NAT10: variants seen among roughly 807,000 people sequenced by gnomAD.
The protein encoded by NAT10 is N-acetyltransferase 10.
Under a neutral mutation model 132.2 loss-of-function variants are expected in NAT10, and 109 were observed. That is an observed-to-expected ratio of 0.82 (90% CI 0.71 to 0.97). NAT10 has a LOEUF of 0.97. NAT10 is among the 50% of genes least tolerant of loss of function. The pLI, the probability that NAT10 is intolerant of heterozygous loss-of-function variation, is 0.00. For missense variants in NAT10, 1,184 were observed against 1,263.4 expected, an observed-to-expected ratio of 0.94 and a Z score of 0.95; for synonymous variants, 479 against 478.0, an observed-to-expected ratio of 1.00 and a Z score of -0.03.
chr11:34,120,650 T>G (rs1395140155), intron 8 of NAT10, among the ~76,000 whole-genome samples: 1 of 152,188 alleles, frequency 6.6e-6, no homozygotes, highest in Non-Finnish European at 1.5e-5. Context: ...CTGTAGGCAC[T>G]GGGGGCCCAG....
At position 34,118,134 on chromosome 11, in the gene NAT10, T is replaced by C. The variant is rs1188485125; in HGVS notation, c.558-46T>C. The C allele has an allele frequency of 2.1e-6, 3 of 1,454,970 alleles. No individual in the cohort carries two copies. The South Asian group carries it at 3.4e-5, about 17-fold the overall frequency. 90.1% of individuals were successfully genotyped at this position (1,454,970 alleles called of 1,614,324 possible). On this transcript the variant is annotated intron_variant, in intron 6 of 28. Transcript: ENST00000257829. ...AGAAAAGTTATACTCTGTATAGACA[T>C]TGCATGCCCTCCCCAACACTTCATT... is the stretch of plus-strand genomic sequence containing the variant.
At chr11:34,122,240 A>G (rs186222963) in intron 8 of NAT10, among the ~76,000 whole-genome samples, 106 of 152,314 alleles carry the variant, frequency 7.0e-4, no homozygotes, top group African/African-American at 2.4e-3. Context: ...AATTTGAGTT[A>G]TCAGCATCTA....
At chr11:34,108,371 C>A in intron 2 of NAT10, 38 bp downstream of exon 2, 1 of 1,515,732 alleles carries the variant, frequency 6.6e-7, no homozygotes, top group Non-Finnish European at 9.2e-7. Flanking sequence ...TACTTTTTAT[C>A]TTGTCCAAAG....
intron 8 of NAT10, among the ~76,000 whole-genome samples, chr11:34,121,299 G>A (rs1296993358): frequency 6.6e-6 from 1 of 152,164 alleles, no homozygotes; most frequent in Non-Finnish European, 1.5e-5. Context: ...GAAGGATAGG[G>A]TGGTGGCTTT....
Position 34,146,219 on chromosome 11 carries a change from T to C in NAT10, c.*27T>C, listed in dbSNP as rs370036200. ...GAAGAGAAACTCGGGCATCTGTGTT[T>C]GATCATGGGAAGATACTCTCACTAA... On this transcript the variant is annotated 3_prime_UTR_variant, in exon 29 of 29. Transcript: ENST00000257829. 3 of 1,509,986 alleles carry C rather than the reference T, an allele frequency of 2.0e-6. No homozygotes were observed. Among genetic ancestry groups the C allele is most frequent in the African/African-American group, 2.8e-5 (2 of 72,160 alleles). The allele number at this position is 1,509,986 out of a possible 1,614,324, so 93.5% of individuals were successfully genotyped here. A position where few individuals can be genotyped will look rare whatever the true frequency, so the allele number is the denominator to read the frequency against.
In NAT10 at chr11:34,130,911, C is replaced by A. The variant is rs751472924; in HGVS notation, c.1343C>A (p.Thr448Asn). ...SQVSTTAENK[T>N]TTTARLASAR... ...GTCAGCACCACTGCTGAGAATAAGACCACGACGACAGCCAGATTGGCATCA... is the reference window on the plus strand; with the variant it reads ...GTCAGCACCACTGCTGAGAATAAGAACACGACGACAGCCAGATTGGCATCA... The change falls in exon 13 of 29, where the codon ACC becomes AAC. Residue 448 changes from threonine (T) to asparagine (N), a missense_variant. Transcript: ENST00000257829. 1.2e-5 allele frequency: 19 copies of A among 1,614,030 alleles called. No individual in the cohort carries two copies. In the Admixed American group the frequency reaches 3.2e-4, roughly 27 times the overall value.
intron 6 of NAT10, among the ~76,000 whole-genome samples, chr11:34,116,516 C>T (rs1369981355): frequency 1.3e-5 from 2 of 151,470 alleles, no homozygotes; most frequent in Non-Finnish European, 2.9e-5. Context: ...CCTCCCAGGT[C>T]GAGTGATTCT....
In NAT10 at chr11:34,125,099, C is replaced by A. The variant is rs75595521; in HGVS notation, c.1107+699C>A. 9.1e-4 allele frequency among the ~76,000 whole-genome samples: 138 copies of A among 152,340 alleles called. 2 individuals are homozygous for A. The East Asian group carries it at 0.021, about 23-fold the overall frequency. On this transcript the variant is annotated intron_variant, in intron 11 of 28. Coordinates refer to ENST00000257829, the MANE Select transcript of NAT10 (RefSeq NM_024662.3). ...ATGCCTGTCAAAGCATATGTATATG[C>A]ATGTCAAGAAGTTATACCTTTTTAT...
chr11:34,112,193 G>A lies in NAT10; in HGVS notation c.342G>A (p.Leu114=). 6.2e-7 allele frequency: 1 copy of A among 1,614,220 alleles called. No homozygotes were observed. The highest frequency in any genetic ancestry group is 8.5e-7 in the Non-Finnish European group (1 of 1,180,042). Residue 114 remains leucine, a synonymous_variant, in exon 4 of 29, where the codon CTG becomes CTA. Coordinates refer to ENST00000257829, the MANE Select transcript of NAT10 (RefSeq NM_024662.3). ...YCYYNETHKI[L]GNTFGMCVLQ... ...ACTACAACGAGACCCACAAGATCCT[G>A]GGCAATACCTTCGGCATGTGTGTGC... is the stretch of plus-strand genomic sequence containing the variant.
At position 34,131,424 on chromosome 11, in the gene NAT10, C is replaced by A; in HGVS notation, c.1413C>A (p.Tyr471Ter). 1 of 1,614,126 alleles carries A rather than the reference C, an allele frequency of 6.2e-7. No homozygotes were observed. Among genetic ancestry groups the A allele is most frequent in the Non-Finnish European group, 8.5e-7 (1 of 1,180,016 alleles). ...TTTCCCTCCAGGAGTCAATCCGATA[C>A]GCCCCTGGGGATGCAGTGGAGAAGT... ...YEVSLQESIR[Y>*]APGDAVEKWL... Residue 471 changes from tyrosine to a stop codon, truncating the protein, a stop_gained, in exon 14 of 29, where the codon TAC (tyrosine) becomes TAA (stop). Coordinates refer to ENST00000257829, the MANE Select transcript of NAT10 (RefSeq NM_024662.3). LOFTEE classifies it high-confidence loss of function.
rs139615908 is a variant in NAT10, at chr11:34,134,568, T to G, written c.1893T>G (p.Val631=). The G allele has an allele frequency of 1.9e-6, 3 of 1,614,030 alleles. No individual in the cohort carries two copies. In the African/African-American group the frequency reaches 4.0e-5, roughly 22 times the overall value. ...LSGGRVVRIA[V]HPDYQGMGYG... ...GTGGAAGGGTCGTTCGCATTGCTGT[T>G]CACCCAGATTATCAAGGGGTAATGT... is the stretch of plus-strand genomic sequence containing the variant. The change falls in exon 18 of 29, where the codon GTT becomes GTG. Residue 631 remains valine (V), a synonymous_variant. Transcript: ENST00000257829.
At chr11:34,126,912 G>T (rs1251091616) in intron 11 of NAT10, among the ~76,000 whole-genome samples, 2 of 152,208 alleles carry the variant, frequency 1.3e-5, no homozygotes, top group African/African-American at 4.8e-5. Context: ...CGTCAGTGCA[G>T]GGAGACTTGG....
intron 28 of NAT10, among the ~76,000 whole-genome samples, chr11:34,143,954 G>A (rs1197699657): frequency 6.6e-6 from 1 of 152,254 alleles, no homozygotes; most frequent in African/African-American, 2.4e-5. Context: ...CACACAGCTA[G>A]TGAGAGCCGG....
In NAT10 at chr11:34,105,770, G is replaced by A. The variant is rs1419792822; in HGVS notation, c.-38G>A. 6.6e-6 allele frequency: 1 copy of A among 152,464 alleles called. No homozygotes were observed. The highest frequency in any genetic ancestry group is 1.5e-5 in the Non-Finnish European group (1 of 68,218). The allele number at this position is 152,464 out of a possible 1,614,324, so 9.4% of individuals were successfully genotyped here. On this transcript the variant is annotated 5_prime_UTR_variant, in exon 1 of 29. Transcript: ENST00000257829. Reference sequence around the variant, plus strand: ...GTGCTTCCCCTTCTCCACTGGCTGGGATCCCCCGGGCTCGGGGCGCAGGTA... The same window carrying A: ...GTGCTTCCCCTTCTCCACTGGCTGGAATCCCCCGGGCTCGGGGCGCAGGTA...
At chr11:34,137,702 C>T (rs1156243445) in intron 21 of NAT10, among the ~76,000 whole-genome samples, 1 of 152,118 alleles carries the variant, frequency 6.6e-6, no homozygotes, top group Admixed American at 6.5e-5. Context: ...ATATCTGGAG[C>T]CAATGAAAGG....
intron 12 of NAT10, among the ~76,000 whole-genome samples, chr11:34,130,172 A>T (rs1435481152): frequency 6.6e-6 from 1 of 152,222 alleles, no homozygotes; most frequent in Non-Finnish European, 1.5e-5. Context: ...GCCTGTGACT[A>T]AAGACAAGGA....
chr11:34,142,270 C>T lies in NAT10; in HGVS notation c.2812-5C>T, dbSNP rs955838678. On this transcript the variant is annotated splice_polypyrimidine_tract_variant and splice_region_variant and intron_variant, in intron 26 of 28. Coordinates refer to ENST00000257829, the MANE Select transcript of NAT10 (RefSeq NM_024662.3). Reference sequence around the variant, plus strand: ...CTTAGTCTCTTTATGGGTCCTTAACCACAGGATGAAGCAGCAAAGGAATTT... The same window carrying T: ...CTTAGTCTCTTTATGGGTCCTTAACTACAGGATGAAGCAGCAAAGGAATTT... 1 of 1,613,952 alleles carries T rather than the reference C, an allele frequency of 6.2e-7. No homozygotes were observed. The highest frequency in any genetic ancestry group is 8.5e-7 in the Non-Finnish European group (1 of 1,179,924).
chr11:34,118,960 A>G (rs1313561369), intron 8 of NAT10, among the ~76,000 whole-genome samples: 3 of 152,162 alleles, frequency 2.0e-5, no homozygotes, highest in Non-Finnish European at 4.4e-5. Flanking sequence ...AGAGAGGGCA[A>G]CATACCTGTG....
At chr11:34,123,517 T>C (rs1851932215) in intron 9 of NAT10, among the ~76,000 whole-genome samples, 1 of 152,224 alleles carries the variant, frequency 6.6e-6, no homozygotes, top group Non-Finnish European at 1.5e-5. Flanking sequence ...GCAGTCTGTC[T>C]GTTCTGCACA....
Sources: allele counts gnomAD v4.1 joint callset (sites outside exome capture counted in the v4.1 genomes callset), GRCh38; gene constraint gnomAD v4.1.1; transcripts MANE v1.5; gene names NCBI Gene and HGNC (gene_info 2026-07-23, HGNC 2026-07-21).